AGBL4: variants seen among roughly 807,000 people sequenced by gnomAD.
The protein encoded by AGBL4 is AGBL carboxypeptidase 4, also known as cytosolic carboxypeptidase 6.
Under a neutral mutation model 66.4 loss-of-function variants are expected in AGBL4, and 58 were observed. The observed-to-expected ratio is 0.87, with a 90% CI of 0.71 to 1.09. AGBL4 has a LOEUF of 1.09. Among genes scored for constraint, AGBL4 ranks in the 50% least tolerant of loss-of-function variants. The probability of loss-of-function intolerance (pLI) is 0.00; values close to 1 mark genes in which losing one functional copy is unlikely to be tolerated. For missense variants in AGBL4, 579 were observed against 631.0 expected, an observed-to-expected ratio of 0.92 and a Z score of 0.88; for synonymous variants, 234 against 222.9, an observed-to-expected ratio of 1.05 and a Z score of -0.44.
chr1:48,897,651 GT>G (rs1189914711), intron 5 of AGBL4, among the ~76,000 whole-genome samples: 2 of 151,806 alleles, frequency 1.3e-5, no homozygotes, highest in Non-Finnish European at 2.9e-5. Flanking sequence ...GTTATTATCT[GT>G]TTTTTTAATA....
rs1436997793 is a variant in AGBL4, at chr1:49,781,731, T to G, written c.157+69665A>C. 2.0e-5 allele frequency among the ~76,000 whole-genome samples: 3 copies of G among 152,242 alleles called. No individual in the cohort carries two copies. In the East Asian group the frequency reaches 5.8e-4, roughly 30 times the overall value. ...AGAACATTCTCTAGGTTAAGGCACA[T>G]TTTAGGTCATAATATAAAAGTATCA... On this transcript the variant is annotated intron_variant, in intron 2 of 13. Transcript: ENST00000371839.
chr1:49,539,109 T>G (rs1651817983), intron 3 of AGBL4, among the ~76,000 whole-genome samples: 1 of 152,168 alleles, frequency 6.6e-6, no homozygotes, highest in Non-Finnish European at 1.5e-5. Context: ...TTATGATATG[T>G]TATGTAGTAT....
chr1:49,398,573 T>C (rs999770192), intron 3 of AGBL4, among the ~76,000 whole-genome samples: 37 of 152,192 alleles, frequency 2.4e-4, no homozygotes. Flanking sequence ...TATATATTTA[T>C]ACATATCCTA....
At chr1:49,889,779 G>T (rs529889504) in intron 1 of AGBL4, among the ~76,000 whole-genome samples, 1 of 152,040 alleles carries the variant, frequency 6.6e-6, no homozygotes, top group East Asian at 1.9e-4. Flanking sequence ...AAATAATCAG[G>T]TTTTCTAATC....
chr1:48,989,819 C>A (rs1660469591), intron 5 of AGBL4, among the ~76,000 whole-genome samples: 1 of 152,168 alleles, frequency 6.6e-6, no homozygotes, highest in Non-Finnish European at 1.5e-5. Flanking sequence ...CTATTGTGAA[C>A]AGTGGTGCAA....
intron 3 of AGBL4, among the ~76,000 whole-genome samples, chr1:49,642,146 C>T (rs1571232106): frequency 6.6e-6 from 1 of 151,864 alleles, no homozygotes; most frequent in African/African-American, 2.4e-5. Flanking sequence ...ATAAATACTT[C>T]TTAAAGGAAA....
In AGBL4 at chr1:49,387,588, C is replaced by T. The variant is rs576813221; in HGVS notation, c.283-141724G>A. 1.8e-4 allele frequency among the ~76,000 whole-genome samples: 28 copies of T among 152,048 alleles called. 2 individuals are homozygous for T. The South Asian group carries it at 5.2e-3, about 28-fold the overall frequency. The stretch of plus-strand genomic sequence containing the variant: ...ACTGAAAAAGGTTGGTATGTGCTGA[C>T]AAAAATGTGGTGTTAATGTCAAAAC... On this transcript the variant is annotated intron_variant, in intron 3 of 13. Transcript: ENST00000371839.
chr1:49,823,170 T>C (rs1645412642), intron 2 of AGBL4, among the ~76,000 whole-genome samples: 1 of 152,214 alleles, frequency 6.6e-6, no homozygotes, highest in African/African-American at 2.4e-5. Context: ...TGCACCATTA[T>C]ATATTTTGGA....
intron 3 of AGBL4, among the ~76,000 whole-genome samples, chr1:49,696,711 C>T (rs1449162578): frequency 1.3e-5 from 2 of 151,942 alleles, no homozygotes; most frequent in African/African-American, 2.4e-5. Context: ...TCTGGTCCCA[C>T]GCGTTTAAGA....
chr1:48,679,879 A>G (rs532309317), intron 6 of AGBL4, among the ~76,000 whole-genome samples: 2 of 152,352 alleles, frequency 1.3e-5, no homozygotes, highest in Admixed American at 1.3e-4. Context: ...CTGCGGCCAG[A>G]GGCCGCCGTG....
At chr1:48,650,240 C>T (rs1434261751) in intron 8 of AGBL4, among the ~76,000 whole-genome samples, 1 of 152,234 alleles carries the variant, frequency 6.6e-6, no homozygotes, top group Non-Finnish European at 1.5e-5. Context: ...CCGCTCCTCA[C>T]AGGCCACAGA....
chr1:49,491,775 T>C (rs1474082330), intron 3 of AGBL4, among the ~76,000 whole-genome samples: 1 of 151,900 alleles, frequency 6.6e-6, no homozygotes, highest in Non-Finnish European at 1.5e-5. Flanking sequence ...ATCTGTCTGA[T>C]GTCAAAGCTC....
chr1:48,558,344 C>T (rs981526557), intron 11 of AGBL4, among the ~76,000 whole-genome samples: 6 of 152,138 alleles, frequency 3.9e-5, no homozygotes, highest in Non-Finnish European at 5.9e-5. Context: ...ATTTGTCTTG[C>T]TTTGTCTTGT....
At chr1:48,806,668 C>T (rs1036239851) in intron 6 of AGBL4, among the ~76,000 whole-genome samples, 2 of 152,166 alleles carry the variant, frequency 1.3e-5, no homozygotes, top group Non-Finnish European at 2.9e-5. Flanking sequence ...CTGGGGGACA[C>T]AAAGAGCAAC....
intron 5 of AGBL4, among the ~76,000 whole-genome samples, chr1:48,874,998 T>C (rs1423776263): frequency 6.6e-6 from 1 of 152,164 alleles, no homozygotes; most frequent in African/African-American, 2.4e-5. Flanking sequence ...CTCAACTCCA[T>C]GACTCTCCAT....
At chr1:48,565,566 C>T (rs2803270) in intron 11 of AGBL4, among the ~76,000 whole-genome samples, 92,785 of 151,942 alleles carry the variant, frequency 0.61, 28,575 homozygotes, top group Middle Eastern at 0.74. Context: ...TCTTTTCTCT[C>T]TACAGCACTC....
intron 11 of AGBL4, among the ~76,000 whole-genome samples, chr1:48,564,545 C>T (rs1270933274): frequency 6.6e-6 from 1 of 152,106 alleles, no homozygotes; most frequent in Non-Finnish European, 1.5e-5. Flanking sequence ...CTTTCTATGT[C>T]TATGCTTTTG....
chr1:49,889,940 T>C (rs1198711705), intron 1 of AGBL4, among the ~76,000 whole-genome samples: 1 of 152,216 alleles, frequency 6.6e-6, no homozygotes, highest in Non-Finnish European at 1.5e-5. Context: ...GTAGAAGCTC[T>C]CTCAGATTAT....
At chr1:49,868,242 C>T (rs1177827841) in intron 1 of AGBL4, among the ~76,000 whole-genome samples, 1 of 151,990 alleles carries the variant, frequency 6.6e-6, no homozygotes, top group Non-Finnish European at 1.5e-5. Context: ...TTAAAACTAC[C>T]ATTAACATTC....
Sources: gnomAD v4.1 joint callset for allele counts (sites outside exome capture counted in the v4.1 genomes callset) on GRCh38, gnomAD v4.1.1 for gene constraint, MANE v1.5 for transcripts, NCBI Gene and HGNC (gene_info 2026-07-23, HGNC 2026-07-21) for gene names.